Variants in RGS3 observed in about 807,000 individuals in gnomAD.
The protein encoded by RGS3 is regulator of G protein signaling 3, also known as regulator of G-protein signalling 3.
Under a neutral mutation model 132.6 loss-of-function variants are expected in RGS3, and 80 were observed. That is an observed-to-expected ratio of 0.60 (90% CI 0.50 to 0.73). RGS3 has a LOEUF of 0.73. Among genes scored for constraint, RGS3 ranks in the 30% least tolerant of loss-of-function variants. The pLI, the probability that RGS3 is intolerant of heterozygous loss-of-function variation, is 0.00. For synonymous variants in RGS3, 598 were observed against 620.6 expected (o/e 0.96, Z 0.54); for missense variants, 1,382 against 1,530.8 (o/e 0.90, Z 1.62).
At chr9:113,497,393 G>A (rs746268190) in exon 9 of RGS3, 39 of 1,613,034 alleles carry the variant, frequency 2.4e-5, no homozygotes, top group South Asian at 5.5e-5. Context: ...CGGCGACTGC[G>A]GCCGCTGAGA....
chr9:113,573,275 G>A (rs1834368808), intron 19 of RGS3, among the ~76,000 whole-genome samples: 2 of 152,324 alleles, frequency 1.3e-5, no homozygotes, highest in Non-Finnish European at 2.9e-5. Flanking sequence ...CTGGCTTTCA[G>A]TCCTCCCTAT....
intron 19 of RGS3, among the ~76,000 whole-genome samples, chr9:113,556,671 C>G (rs979027276): frequency 1.3e-5 from 2 of 152,180 alleles, no homozygotes; most frequent in African/African-American, 4.8e-5. Context: ...CTGCCCTTCC[C>G]CCCAGCACTC....
intron 3 of RGS3, among the ~76,000 whole-genome samples, chr9:113,465,852 A>C (rs1304386372): frequency 6.6e-6 from 1 of 152,132 alleles, no homozygotes; most frequent in Non-Finnish European, 1.5e-5. Context: ...TGCTTATGAG[A>C]GCATTTGAGA....
At chr9:113,577,520 AGAG>A (rs2118935415) in intron 19 of RGS3, among the ~76,000 whole-genome samples, 1 of 152,282 alleles carries the variant, frequency 6.6e-6, no homozygotes, top group East Asian at 1.9e-4. Context: ...AGGGACCATT[AGAG>A]GAGGAATGAT....
chr9:113,519,679 G>GTT (rs201771539), intron 16 of RGS3, among the ~76,000 whole-genome samples: 4 of 147,506 alleles, frequency 2.7e-5, no homozygotes, highest in Non-Finnish European at 4.5e-5. Context: ...TAGAGCAGTG[G>GTT]TTTTTTTTTT....
At chr9:113,502,869 C>G (rs1024817907) in intron 10 of RGS3, among the ~76,000 whole-genome samples, 2 of 152,246 alleles carry the variant, frequency 1.3e-5, no homozygotes, top group African/African-American at 4.8e-5. Context: ...GAGCAAGTCA[C>G]TGTTCCTCTC....
chr9:113,596,697 T>G, intron 24 of RGS3, 71 bp from the exon 23 acceptor site: 1 of 1,399,740 alleles, frequency 7.1e-7, no homozygotes, highest in Non-Finnish European at 9.7e-7. Context: ...GATGGGTCCC[T>G]TCCAGGCACA....
At chr9:113,569,637 C>CCTTCCTTCCTTCCTTA (rs1564584352) in intron 19 of RGS3, among the ~76,000 whole-genome samples, 16 of 149,982 alleles carry the variant, frequency 1.1e-4, no homozygotes, top group African/African-American at 3.9e-4. Context: ...TTCCTTCCTT[C>CCTTCCTTCCTTCCTTA]CTTCCCTCCT....
chr9:113,549,637 G>A (rs189993964), intron 19 of RGS3, among the ~76,000 whole-genome samples: 11 of 152,270 alleles, frequency 7.2e-5, no homozygotes, highest in Admixed American at 4.6e-4. Context: ...TCAGGCATTC[G>A]TTTATACACA....
chr9:113,467,572 C>A (rs1278361897), intron 3 of RGS3, among the ~76,000 whole-genome samples: 2 of 151,978 alleles, frequency 1.3e-5, no homozygotes, highest in Non-Finnish European at 2.9e-5. Context: ...TAAAATTGGG[C>A]TTTTTGTCTT....
intron 21 of RGS3, 58 bp from the exon 20 acceptor site, chr9:113,594,372 G>C (rs576516149): frequency 2.1e-4 from 333 of 1,603,246 alleles, no homozygotes; most frequent in Non-Finnish European, 2.7e-4. Context: ...CCCGACTCTG[G>C]ATTTGCAGGG....
At chr9:113,587,725 T>C (rs551621353) in intron 20 of RGS3, among the ~76,000 whole-genome samples, 1 of 152,322 alleles carries the variant, frequency 6.6e-6, no homozygotes, top group Admixed American at 6.5e-5. Flanking sequence ...AGTAGGAATG[T>C]CAGAACAGGC....
chr9:113,557,673 AG>A (rs1833622266), intron 19 of RGS3, among the ~76,000 whole-genome samples: 1 of 152,228 alleles, frequency 6.6e-6, no homozygotes, highest in Non-Finnish European at 1.5e-5. Context: ...TGTGGGGTCC[AG>A]TGTGGGGCAA....
intron 19 of RGS3, among the ~76,000 whole-genome samples, chr9:113,554,143 C>A (rs149071931): frequency 3.2e-4 from 49 of 152,298 alleles, no homozygotes; most frequent in African/African-American, 1.2e-3. Context: ...AGGTTAAGTA[C>A]ATGTACAATT....
At chr9:113,581,078 C>T (rs908418562) in intron 19 of RGS3, 1 of 844,940 alleles carries the variant, frequency 1.2e-6, no homozygotes, top group Non-Finnish European at 1.4e-6. Context: ...CTGAGGGGCC[C>T]CAGGGAGCTG....
chr9:113,500,859 T>C (rs1038605985), intron 10 of RGS3, among the ~76,000 whole-genome samples: 2 of 151,972 alleles, frequency 1.3e-5, no homozygotes, highest in Non-Finnish European at 2.9e-5. Flanking sequence ...AGCTAATTTT[T>C]GTATTTTTTA....
intron 19 of RGS3, chr9:113,541,437 AG>A: frequency 6.2e-7 from 1 of 1,612,218 alleles, no homozygotes; most frequent in Non-Finnish European, 8.5e-7. Flanking sequence ...AGCAAACCCA[AG>A]GGCGGGACTC....
At chr9:113,454,181 T>C (rs1192791822) in intron 1 of RGS3, among the ~76,000 whole-genome samples, 3 of 152,242 alleles carry the variant, frequency 2.0e-5, no homozygotes, top group Admixed American at 6.5e-5. Context: ...TATTTTTTTC[T>C]GCTTCTTTGC....
At chr9:113,464,612 A>G (rs1032751515) in intron 3 of RGS3, among the ~76,000 whole-genome samples, 5 of 151,874 alleles carry the variant, frequency 3.3e-5, no homozygotes, top group African/African-American at 1.2e-4. Flanking sequence ...TGGTCCTGCA[A>G]CTCTCTGTGG....
Sources: allele counts gnomAD v4.1 joint callset (sites outside exome capture counted in the v4.1 genomes callset), GRCh38; gene constraint gnomAD v4.1.1; transcripts MANE v1.5; gene names NCBI Gene and HGNC (gene_info 2026-07-23, HGNC 2026-07-21).